BACH2: variants seen among roughly 807,000 people sequenced by gnomAD.
The protein encoded by BACH2 is BACH transcriptional regulator 2, also known as transcription regulator protein BACH2.
A neutral mutation model predicts 61.8 loss-of-function variants in BACH2; 5 were observed. The ratio of observed to expected loss-of-function variants is 0.08; its 90% CI spans 0.04 to 0.17. The LOEUF is 0.17. Ranked by LOEUF, BACH2 falls within the 10% of genes least tolerant of loss-of-function variation. The pLI is 1.00. For synonymous variants in BACH2, 446 were observed against 440.1 expected, an observed-to-expected ratio of 1.01 and a Z score of -0.17; for missense variants, 824 against 1,091.1, an observed-to-expected ratio of 0.76 and a Z score of 3.45.
At position 89,944,181 on chromosome 6, in the gene BACH2, C is replaced by T. The variant is rs143174369; in HGVS notation, c.1837-5831G>A. ...GATCTCAGGCAAGTCTTCATTCTGTCTGTCCCAAAGTTCTTGGAGGATCTA... is the reference window on the plus strand; with the variant it reads ...GATCTCAGGCAAGTCTTCATTCTGTTTGTCCCAAAGTTCTTGGAGGATCTA... On this transcript the variant is annotated intron_variant, in intron 7 of 8. Coordinates refer to ENST00000257749, the MANE Select transcript of BACH2 (RefSeq NM_021813.4). Among the ~76,000 whole-genome samples the T allele has an allele frequency of 1.5e-3, 228 of 152,326 alleles. 1 individual carries two copies. Among genetic ancestry groups the T allele is most frequent in the African/African-American group, 4.1e-3 (169 of 41,570 alleles).
At chr6:90,238,203 A>G (rs1770321286) in intron 3 of BACH2, among the ~76,000 whole-genome samples, 1 of 152,228 alleles carries the variant, frequency 6.6e-6, no homozygotes, top group Non-Finnish European at 1.5e-5. Context: ...GGAAAAATGT[A>G]TCTGTTCTCT....
chr6:90,158,359 T>A (rs867557786), intron 4 of BACH2, among the ~76,000 whole-genome samples: 13 of 152,224 alleles, frequency 8.5e-5, no homozygotes, highest in South Asian at 4.1e-4. Context: ...AAATGGCCAT[T>A]CCCCTTCCTT....
intron 5 of BACH2, among the ~76,000 whole-genome samples, chr6:90,079,566 C>T (rs1001543402): frequency 2.6e-5 from 4 of 152,156 alleles, no homozygotes; most frequent in Non-Finnish European, 4.4e-5. Context: ...TGTAGACACA[C>T]AACGCAAAAA....
At chr6:89,938,399 C>G in intron 7 of BACH2, 49 bp from the exon 8 acceptor site, 2 of 1,519,954 alleles carry the variant, frequency 1.3e-6, no homozygotes, top group Non-Finnish European at 1.8e-6. Context: ...GATTTTAATT[C>G]TGGCAGGCGG....
chr6:90,090,264 TTTTC>T (rs1782107194), intron 4 of BACH2, among the ~76,000 whole-genome samples: 3 of 152,188 alleles, frequency 2.0e-5, no homozygotes, highest in African/African-American at 7.2e-5. Flanking sequence ...CAGATTGTTT[TTTTC>T]TTTGTTATTG....
chr6:89,944,058 G>A (rs1057064839), intron 7 of BACH2, among the ~76,000 whole-genome samples: 6 of 152,240 alleles, frequency 3.9e-5, no homozygotes, highest in Admixed American at 1.3e-4. Flanking sequence ...TGTTTCTCGC[G>A]CAATTGTCCT....
intron 5 of BACH2, among the ~76,000 whole-genome samples, chr6:90,087,115 T>C (rs1781964742): frequency 6.6e-6 from 1 of 152,218 alleles, no homozygotes; most frequent in African/African-American, 2.4e-5. Flanking sequence ...CATTTAAGTC[T>C]ATCTCCAGGA....
chr6:90,161,867 C>T (rs1785203460), intron 4 of BACH2, among the ~76,000 whole-genome samples: 3 of 152,268 alleles, frequency 2.0e-5, no homozygotes, highest in East Asian at 1.9e-4. Flanking sequence ...TACCAACCAG[C>T]GTCTCGATGG....
intron 4 of BACH2, among the ~76,000 whole-genome samples, chr6:90,093,941 T>C (rs9342222): frequency 0.025 from 3,737 of 152,346 alleles, 160 homozygotes; most frequent in East Asian, 0.19. Context: ...TCTTCGTATT[T>C]ACTGTTAGAG....
Position 90,008,556 on chromosome 6 carries a change from AG to A in BACH2, c.243+45del. 2 of 1,605,752 alleles carry A rather than the reference AG, an allele frequency of 1.2e-6. No homozygotes were observed. The highest frequency in any genetic ancestry group is 3.3e-5 in the Admixed American group (2 of 59,872). On this transcript the variant is annotated intron_variant, in intron 6 of 8. Coordinates refer to ENST00000257749, the MANE Select transcript of BACH2 (RefSeq NM_021813.4). The surrounding 1 kb of genome is among the most constrained non-coding windows in gnomAD (Gnocchi z 4.1). ...GCTCCTAGTCAGCCAGTTTTCTGTA[AG>A]TCAATAAACATTCATTAACAATCAC...
intron 7 of BACH2, among the ~76,000 whole-genome samples, chr6:89,948,677 CA>C (rs1175185859): frequency 2.0e-5 from 3 of 152,136 alleles, no homozygotes; most frequent in Non-Finnish European, 2.9e-5. Flanking sequence ...GAAAACCTCA[CA>C]AAAGAGGTCA....
At chr6:90,162,625 G>A (rs533234754) in intron 4 of BACH2, among the ~76,000 whole-genome samples, 6 of 152,106 alleles carry the variant, frequency 3.9e-5, no homozygotes, top group Non-Finnish European at 7.4e-5. Context: ...CTGGTCACGA[G>A]AGCAAGAACC....
In BACH2 at chr6:89,950,412, C is replaced by T; in HGVS notation, c.1694G>A (p.Gly565Asp). 6.2e-7 allele frequency: 1 copy of T among 1,614,128 alleles called. No individual in the cohort carries two copies. Among genetic ancestry groups the T allele is most frequent in the African/African-American group, 1.3e-5 (1 of 75,028 alleles). ...GTTGTACATTCCATCTCCCATCAGG[C>T]CTGGTTCCTGATGTTCTGTGGCAAG... The part of the protein sequence containing the change: ...RFLATEHQEP[G>D]LMGDGMYNQV... Residue 565 changes from glycine (G) to aspartate (D), a missense_variant, in exon 7 of 9, where the codon GGC (glycine) becomes GAC (aspartate). Physicochemically the swap from Gly to Asp is moderately conservative, Grantham distance 94. Coordinates refer to ENST00000257749, the MANE Select transcript of BACH2 (RefSeq NM_021813.4). The surrounding 1 kb of genome is among the most constrained non-coding windows in gnomAD (Gnocchi z 5.3).
At chr6:89,947,612 C>G (rs1773807983) in intron 7 of BACH2, among the ~76,000 whole-genome samples, 1 of 151,748 alleles carries the variant, frequency 6.6e-6, no homozygotes, top group Non-Finnish European at 1.5e-5. Context: ...GTCACCCAGG[C>G]AGGAGTGCAG....
chr6:90,278,536 T>C (rs1366564353), intron 1 of BACH2, among the ~76,000 whole-genome samples: 1 of 152,242 alleles, frequency 6.6e-6, no homozygotes, highest in Non-Finnish European at 1.5e-5. Context: ...CATGTGCTCA[T>C]ATCTTGCTTC....
At chr6:90,127,782 G>A (rs1173519283) in intron 4 of BACH2, among the ~76,000 whole-genome samples, 1 of 152,202 alleles carries the variant, frequency 6.6e-6, no homozygotes, top group Non-Finnish European at 1.5e-5. Flanking sequence ...TGAGGCTCTT[G>A]CGTTTGAACA....
chr6:90,282,862 A>G (rs1562541471), intron 1 of BACH2, among the ~76,000 whole-genome samples: 2 of 152,004 alleles, frequency 1.3e-5, no homozygotes, highest in African/African-American at 2.4e-5. Flanking sequence ...CATTTTTCTT[A>G]GGTGTATACC....
At chr6:90,037,332 A>T (rs1779310085) in intron 5 of BACH2, among the ~76,000 whole-genome samples, 1 of 152,252 alleles carries the variant, frequency 6.6e-6, no homozygotes, top group Non-Finnish European at 1.5e-5. Flanking sequence ...TTTATGATGA[A>T]GATGAACTGT....
intron 1 of BACH2, among the ~76,000 whole-genome samples, chr6:90,295,383 C>G (rs531336754): frequency 6.6e-6 from 1 of 152,336 alleles, no homozygotes; most frequent in South Asian, 2.1e-4. Flanking sequence ...GCCCTGCACG[C>G]TTCCCCTCAC....
Sources: allele counts gnomAD v4.1 joint callset (sites outside exome capture counted in the v4.1 genomes callset), GRCh38; gene constraint gnomAD v4.1.1; non-coding constraint Gnocchi (gnomAD v3.1); transcripts MANE v1.5; gene names NCBI Gene and HGNC (gene_info 2026-07-23, HGNC 2026-07-21).